HPCAL1: variants seen among roughly 807,000 people sequenced by gnomAD.
The protein encoded by HPCAL1 is hippocalcin like 1.
HPCAL1 carries 8 observed loss-of-function variants against 17.1 expected under a neutral mutation model. That is an observed-to-expected ratio of 0.47 (90% confidence interval 0.27 to 0.84). HPCAL1 has a LOEUF of 0.84. Ranked by LOEUF, HPCAL1 falls within the 40% of genes least tolerant of loss-of-function variation. HPCAL1 has a pLI of 0.13. For missense variants in HPCAL1, 165 were observed against 271.1 expected (o/e 0.61, Z 2.75); for synonymous variants, 112 against 111.4 (o/e 1.01, Z -0.03).
intron 1 of HPCAL1, among the ~76,000 whole-genome samples, chr2:10,335,145 G>A (rs1664641156): frequency 6.6e-6 from 1 of 152,226 alleles, no homozygotes; most frequent in African/African-American, 2.4e-5. Flanking sequence ...TCACACCCTT[G>A]TGTAATCCCT....
chr2:10,386,259 T>A (rs748919028), intron 1 of HPCAL1, among the ~76,000 whole-genome samples: 3 of 152,208 alleles, frequency 2.0e-5, no homozygotes, highest in Non-Finnish European at 2.9e-5. Flanking sequence ...TGTTGCCAAA[T>A]GCAGCCTGAA....
At chr2:10,382,955 C>T (rs923038623) in intron 1 of HPCAL1, among the ~76,000 whole-genome samples, 2 of 152,200 alleles carry the variant, frequency 1.3e-5, no homozygotes, top group Non-Finnish European at 2.9e-5. Flanking sequence ...AGTGGCGGCT[C>T]GCTTGTGCAC....
chr2:10,385,413 T>C (rs2125548604), intron 1 of HPCAL1, among the ~76,000 whole-genome samples: 1 of 152,192 alleles, frequency 6.6e-6, no homozygotes, highest in East Asian at 1.9e-4. Flanking sequence ...GAATCTGCAT[T>C]CTAGCAAGCA....
intron 1 of HPCAL1, among the ~76,000 whole-genome samples, chr2:10,306,821 A>C (rs1431933855): frequency 6.6e-6 from 1 of 152,188 alleles, no homozygotes; most frequent in Non-Finnish European, 1.5e-5. Flanking sequence ...TGTTGTTTCA[A>C]GTAAAATTGA....
intron 1 of HPCAL1, among the ~76,000 whole-genome samples, chr2:10,379,561 C>G (rs1667813695): frequency 6.6e-6 from 1 of 151,966 alleles, no homozygotes; most frequent in South Asian, 2.1e-4. Context: ...GCCTCCAAGG[C>G]CTTGAGTGAT....
chr2:10,333,344 T>TGGAG (rs1260413562), intron 1 of HPCAL1, among the ~76,000 whole-genome samples: 1 of 152,196 alleles, frequency 6.6e-6, no homozygotes, highest in East Asian at 1.9e-4. Flanking sequence ...TGCTGTCTGT[T>TGGAG]GGAGGTCAAG....
At chr2:10,400,534 C>T (rs1049868079) in intron 2 of HPCAL1, among the ~76,000 whole-genome samples, 27 of 152,168 alleles carry the variant, frequency 1.8e-4, no homozygotes, top group African/African-American at 4.8e-4. Context: ...GCCATCTGAG[C>T]GGCCTTTCTG....
chr2:10,305,016 C>T (rs930705131), intron 1 of HPCAL1, among the ~76,000 whole-genome samples: 1 of 152,148 alleles, frequency 6.6e-6, no homozygotes, highest in African/African-American at 2.4e-5. Context: ...CTTTGGTTTC[C>T]CTCGGCCGAG....
chr2:10,390,772 C>T (rs925088233), intron 1 of HPCAL1, among the ~76,000 whole-genome samples: 6 of 151,994 alleles, frequency 3.9e-5, no homozygotes, highest in Admixed American at 3.9e-4. Context: ...TGCACCCCAC[C>T]CCCCGGCCTG....
chr2:10,303,529 G>A (rs1049398370), intron 1 of HPCAL1, among the ~76,000 whole-genome samples: 1 of 152,154 alleles, frequency 6.6e-6, no homozygotes, highest in African/African-American at 2.4e-5. Context: ...GGCGGGGTGG[G>A]TGTGGGTGGT....
At chr2:10,426,703 A>G in intron 4 of HPCAL1, 21 bp from the exon 5 acceptor site, 1 of 1,594,682 alleles carries the variant, frequency 6.3e-7, no homozygotes. Context: ...GGCTAATCCC[A>G]TTGTCTCTGG....
At chr2:10,422,936 C>T (rs372972508) in intron 3 of HPCAL1, 47 bp from the exon 4 acceptor site, 1 of 1,425,318 alleles carries the variant, frequency 7.0e-7, no homozygotes, top group African/African-American at 1.4e-5. Context: ...CTGCACCCGC[C>T]CAAGCCCCCG....
At chr2:10,338,786 G>A (rs2125438231) in intron 1 of HPCAL1, among the ~76,000 whole-genome samples, 1 of 152,322 alleles carries the variant, frequency 6.6e-6, no homozygotes, top group East Asian at 1.9e-4. Context: ...AGGAGAGGTG[G>A]CGTCGCCTCC....
At chr2:10,341,647 C>T (rs1665091449) in intron 1 of HPCAL1, among the ~76,000 whole-genome samples, 1 of 151,988 alleles carries the variant, frequency 6.6e-6, no homozygotes, top group Admixed American at 6.6e-5. Context: ...GAGCCGTGGG[C>T]CTTTCTAAAG....
At chr2:10,340,950 T>C (rs550322523) in intron 1 of HPCAL1, among the ~76,000 whole-genome samples, 3 of 152,322 alleles carry the variant, frequency 2.0e-5, no homozygotes, top group African/African-American at 7.2e-5. Context: ...TTCACTTTTT[T>C]CCCTTCCTCA....
intron 2 of HPCAL1, among the ~76,000 whole-genome samples, chr2:10,411,958 C>T (rs942117815): frequency 6.6e-6 from 1 of 152,186 alleles, no homozygotes; most frequent in African/African-American, 2.4e-5. Context: ...GATTCCTCCC[C>T]CAAGCTTTGG....
intron 1 of HPCAL1, among the ~76,000 whole-genome samples, chr2:10,314,750 G>T (rs755530963): frequency 1.6e-4 from 25 of 152,170 alleles, no homozygotes; most frequent in Non-Finnish European, 3.2e-4. Flanking sequence ...GTATTATAGA[G>T]ATAAGTAATT....
At position 10,421,169 on chromosome 2, in the gene HPCAL1, T is replaced by C. The variant is rs188799564; in HGVS notation, c.378+1034T>C. On this transcript the variant is annotated intron_variant, in intron 3 of 4. Transcript: ENST00000307845. ...AGATAGCTTGTGATGTCCCCAGGAATGCGCAGTCATCAAGTAAAACTGAAG... is the reference window on the plus strand; with the variant it reads ...AGATAGCTTGTGATGTCCCCAGGAACGCGCAGTCATCAAGTAAAACTGAAG... 1.1e-4 allele frequency among the ~76,000 whole-genome samples: 17 copies of C among 152,338 alleles called. No homozygotes were observed. In the East Asian group the frequency reaches 2.7e-3, roughly 24 times the overall value.
intron 1 of HPCAL1, among the ~76,000 whole-genome samples, chr2:10,311,031 A>G (rs995371155): frequency 2.0e-5 from 3 of 152,164 alleles, no homozygotes; most frequent in Non-Finnish European, 4.4e-5. Flanking sequence ...AACATCATGC[A>G]GTTTTCCGTA....
Sources: gnomAD v4.1 joint callset for allele counts (sites outside exome capture counted in the v4.1 genomes callset) on GRCh38, gnomAD v4.1.1 for gene constraint, MANE v1.5 for transcripts, NCBI Gene and HGNC (gene_info 2026-07-23, HGNC 2026-07-21) for gene names.